The following ADAMTS12 variants were observed in gnomAD, a reference collection of about 807,000 sequenced individuals.
ADAMTS12 encodes A disintegrin and metalloproteinase with thrombospondin motifs 12.
A neutral mutation model predicts 167.8 loss-of-function variants in ADAMTS12; 118 were observed. The observed-to-expected ratio is 0.70, with a 90% CI of 0.61 to 0.82. ADAMTS12 has a LOEUF of 0.82. Among genes scored for constraint, ADAMTS12 ranks in the 40% least tolerant of loss-of-function variants. The probability of loss-of-function intolerance (pLI) is 0.00; values close to 1 mark genes in which losing one functional copy is unlikely to be tolerated. For synonymous variants in ADAMTS12, 704 were observed against 716.9 expected (o/e 0.98, Z 0.29); for missense variants, 1,916 against 1,998.8 (o/e 0.96, Z 0.79).
At chr5:33,704,302 T>C (rs1743108400) in intron 3 of ADAMTS12, among the ~76,000 whole-genome samples, 1 of 152,228 alleles carries the variant, frequency 6.6e-6, no homozygotes, top group South Asian at 2.1e-4. Flanking sequence ...AATGCTGCAA[T>C]GAACATGGGA....
chr5:33,766,004 T>C (rs1579917586), intron 2 of ADAMTS12, among the ~76,000 whole-genome samples: 1 of 152,194 alleles, frequency 6.6e-6, no homozygotes, highest in African/African-American at 2.4e-5. Context: ...GTTCTGCCTA[T>C]ACTTCTTAAG....
intron 2 of ADAMTS12, among the ~76,000 whole-genome samples, chr5:33,856,227 A>G (rs1463313308): frequency 6.6e-6 from 1 of 152,186 alleles, no homozygotes; most frequent in African/African-American, 2.4e-5. Flanking sequence ...GTTGAATAAT[A>G]CACACACATC....
At chr5:33,670,652 G>A (rs1437537803) in intron 5 of ADAMTS12, among the ~76,000 whole-genome samples, 1 of 152,188 alleles carries the variant, frequency 6.6e-6, no homozygotes, top group African/African-American at 2.4e-5. Context: ...TGAGGCAGGA[G>A]AATTGCTTGA....
chr5:33,754,427 C>T (rs539870666), intron 2 of ADAMTS12, among the ~76,000 whole-genome samples: 1 of 152,324 alleles, frequency 6.6e-6, no homozygotes, highest in Non-Finnish European at 1.5e-5. Context: ...GGCTAAAGCT[C>T]GAAGATAAAC....
intron 2 of ADAMTS12, among the ~76,000 whole-genome samples, chr5:33,823,055 C>A (rs1186288957): frequency 1.4e-5 from 2 of 146,876 alleles, no homozygotes; most frequent in African/African-American, 5.0e-5. Flanking sequence ...CACACCACTT[C>A]ACTCCAACCT....
At chr5:33,835,529 A>G (rs926087425) in intron 2 of ADAMTS12, among the ~76,000 whole-genome samples, 1 of 152,218 alleles carries the variant, frequency 6.6e-6, no homozygotes, top group Non-Finnish European at 1.5e-5. Context: ...TAGATTCAGT[A>G]TCTGGCGAGG....
In ADAMTS12 at chr5:33,524,698, A is replaced by G. The variant is rs1276542922; in HGVS notation, c.*2490T>C. 2 of 152,334 alleles carry G rather than the reference A, an allele frequency of 1.3e-5. No individual in the cohort carries two copies. The highest frequency in any genetic ancestry group is 3.9e-4 in the East Asian group (2 of 5,190). The allele number at this position is 152,334 out of a possible 1,614,324, so 9.4% of individuals were successfully genotyped here. ...TGAGTGATCGCCAAGGCAACAGATG[A>G]TACCAACAGGACAGAAAACAGCAAG... On this transcript the variant is annotated 3_prime_UTR_variant, in exon 24 of 24. Transcript: ENST00000504830.
chr5:33,763,434 C>A (rs1302582715), intron 2 of ADAMTS12, among the ~76,000 whole-genome samples: 1 of 152,226 alleles, frequency 6.6e-6, no homozygotes, highest in Non-Finnish European at 1.5e-5. Flanking sequence ...CTCCCCTGGA[C>A]TCTCCAAAAG....
At chr5:33,816,985 T>C (rs531941526) in intron 2 of ADAMTS12, among the ~76,000 whole-genome samples, 6 of 152,208 alleles carry the variant, frequency 3.9e-5, no homozygotes, top group South Asian at 2.1e-4. Context: ...CGGTGCTTCC[T>C]CTCCAGGGTG....
At chr5:33,573,253 A>G (rs1486340078) in intron 19 of ADAMTS12, among the ~76,000 whole-genome samples, 3 of 152,292 alleles carry the variant, frequency 2.0e-5, no homozygotes, top group African/African-American at 7.2e-5. Flanking sequence ...AAACTACTTT[A>G]AAGTTCATAT....
intron 20 of ADAMTS12, among the ~76,000 whole-genome samples, chr5:33,558,317 G>A (rs1463706205): frequency 6.6e-6 from 1 of 152,042 alleles, no homozygotes; most frequent in Non-Finnish European, 1.5e-5. Flanking sequence ...TTGATATAAG[G>A]TTTATCTATT....
chr5:33,662,880 T>C (rs1369827230), intron 5 of ADAMTS12, among the ~76,000 whole-genome samples: 3 of 152,234 alleles, frequency 2.0e-5, no homozygotes, highest in Non-Finnish European at 2.9e-5. Flanking sequence ...TGGTACAGGA[T>C]GGATTCCACC....
At chr5:33,536,677 T>C (rs962539905) in intron 22 of ADAMTS12, among the ~76,000 whole-genome samples, 3 of 152,200 alleles carry the variant, frequency 2.0e-5, no homozygotes, top group Admixed American at 2.0e-4. Context: ...TTCTTTGCTA[T>C]GCACAATTGG....
chr5:33,565,707 G>T, intron 19 of ADAMTS12, among the ~76,000 whole-genome samples: 1 of 132,722 alleles, frequency 7.5e-6, no homozygotes, highest in Admixed American at 8.2e-5. Flanking sequence ...GCTATAATGT[G>T]TTCAATAAGA....
chr5:33,839,415 A>T (rs1748658293), intron 2 of ADAMTS12, among the ~76,000 whole-genome samples: 1 of 152,168 alleles, frequency 6.6e-6, no homozygotes, highest in Admixed American at 6.6e-5. Context: ...GTTGTCAGTC[A>T]TTTTATTGTC....
Position 33,891,772 on chromosome 5 carries a change from G to C in ADAMTS12, c.85C>G (p.Gln29Glu), listed in dbSNP as rs758586459. 3.7e-6 allele frequency: 6 copies of C among 1,614,114 alleles called. No individual in the cohort carries two copies. The highest frequency in any genetic ancestry group is 4.2e-6 in the Non-Finnish European group (5 of 1,180,040). ...LNFGALCYGR[Q>E]PQPGPVRFPD... ...AAGCGAACCGGGCCTGGCTGAGGCT[G>C]TCTCCCATAGCAAAGCGCCCCAAAG... Residue 29 changes from glutamine (Q) to glutamate (E), a missense_variant, in exon 1 of 24, where the codon CAG (glutamine) becomes GAG (glutamate). Transcript: ENST00000504830.
intron 12 of ADAMTS12, 30 bp from the exon 13 acceptor site, chr5:33,630,943 C>G: frequency 6.2e-7 from 1 of 1,604,760 alleles, no homozygotes; most frequent in Non-Finnish European, 8.5e-7. Flanking sequence ...CAAAGCCTTG[C>G]AAATTAGCTT....
chr5:33,726,921 G>A (rs546548117), intron 3 of ADAMTS12, among the ~76,000 whole-genome samples: 8 of 150,832 alleles, frequency 5.3e-5, no homozygotes, highest in African/African-American at 1.5e-4. Context: ...CCAGGAATCC[G>A]CCTGGGCAGA....
At chr5:33,790,422 G>A (rs868223810) in intron 2 of ADAMTS12, among the ~76,000 whole-genome samples, 8 of 152,062 alleles carry the variant, frequency 5.3e-5, no homozygotes, top group Middle Eastern at 3.4e-3. Context: ...GCATGGTGGC[G>A]CATGCCTGTA....
Sources: allele counts gnomAD v4.1 joint callset (sites outside exome capture counted in the v4.1 genomes callset), GRCh38; gene constraint gnomAD v4.1.1; transcripts MANE v1.5; gene names NCBI Gene and HGNC (gene_info 2026-07-23, HGNC 2026-07-21).